The following CA10 variants were observed in gnomAD, a reference collection of about 807,000 sequenced individuals.
The protein encoded by CA10 is carbonic anhydrase 10 (inactive).
In CA10, 14 loss-of-function variants were observed where a neutral mutation model predicts 44.2. The observed-to-expected ratio is 0.32, with a 90% CI of 0.21 to 0.50. CA10 has a LOEUF of 0.50. Among genes scored for constraint, CA10 ranks in the 20% least tolerant of loss-of-function variants. CA10 has a pLI of 0.99. For missense variants in CA10, 350 were observed against 409.7 expected (o/e 0.85, Z 1.26); for synonymous variants, 159 against 141.6 (o/e 1.12, Z -0.87).
chr17:51,959,209 CT>C (rs112948472), intron 2 of CA10, among the ~76,000 whole-genome samples: 11,288 of 122,176 alleles, frequency 0.092, 384 homozygotes, highest in South Asian at 0.17. Flanking sequence ...GGAAGACATT[CT>C]TTTTTTTTTT....
At position 52,043,289 on chromosome 17, in the gene CA10, CTTAG is replaced by C. The variant is rs556884199; in HGVS notation, c.136+29026_136+29029del. ...GTTTGCACTATAGATCTTTTATCTCCTTAGTTAAATTTATTCCTAAGTATTTTAT... is the reference window on the plus strand; with the variant it reads ...GTTTGCACTATAGATCTTTTATCTCCTTAAATTTATTCCTAAGTATTTTAT... On this transcript the variant is annotated intron_variant, in intron 2 of 8. Coordinates refer to ENST00000451037, the MANE Select transcript of CA10 (RefSeq NM_020178.5). Among the ~76,000 whole-genome samples, 40 of 152,116 alleles carry C rather than the reference CTTAG, an allele frequency of 2.6e-4. 1 individual carries two copies. In the South Asian group the frequency reaches 3.7e-3, roughly 14 times the overall value.
In CA10 at chr17:51,631,495, A is replaced by G; in HGVS notation, c.*89T>C. ...TGAATGAGGCTTGGGGGAAAGAAGG[A>G]GAGAGAAGCAAGAAGGGGGACATTC... On this transcript the variant is annotated 3_prime_UTR_variant, in exon 9 of 9. Transcript: ENST00000451037. 5.9e-6 allele frequency: 7 copies of G among 1,189,464 alleles called. 1 individual carries two copies. In the South Asian group the frequency reaches 8.7e-5, roughly 15 times the overall value. The allele number at this position is 1,189,464 out of a possible 1,614,324, so 73.7% of individuals were successfully genotyped here. A position where few individuals can be genotyped will look rare whatever the true frequency, so the allele number is the denominator to read the frequency against.
At chr17:51,833,537 T>A (rs1036825267) in intron 3 of CA10, among the ~76,000 whole-genome samples, 2 of 152,254 alleles carry the variant, frequency 1.3e-5, no homozygotes, top group Non-Finnish European at 2.9e-5. Context: ...GATTAATCTT[T>A]AATTAATACT....
intron 3 of CA10, among the ~76,000 whole-genome samples, chr17:51,925,726 A>G (rs901916643): frequency 4.6e-5 from 7 of 152,316 alleles, no homozygotes; most frequent in Admixed American, 4.6e-4. Context: ...AAAATGTGGT[A>G]TATACATACA....
intron 2 of CA10, among the ~76,000 whole-genome samples, chr17:51,981,425 G>T (rs1186884065): frequency 6.6e-6 from 1 of 151,902 alleles, no homozygotes; most frequent in Admixed American, 6.6e-5. Context: ...AACAGAAAAA[G>T]AATACATATT....
intron 3 of CA10, among the ~76,000 whole-genome samples, chr17:51,839,139 G>C (rs1376715777): frequency 2.0e-5 from 3 of 152,146 alleles, no homozygotes; most frequent in African/African-American, 7.2e-5. Flanking sequence ...AGCAAAAGAA[G>C]CAACAGGCTT....
chr17:51,691,391 C>T (rs1915187160), intron 4 of CA10, among the ~76,000 whole-genome samples: 1 of 152,136 alleles, frequency 6.6e-6, no homozygotes. Flanking sequence ...ACTGTCTGTT[C>T]CAATCCTTTG....
chr17:52,115,565 G>T (rs556031444), intron 1 of CA10, among the ~76,000 whole-genome samples: 1 of 152,180 alleles, frequency 6.6e-6, no homozygotes, highest in African/African-American at 2.4e-5. Context: ...GACTGTAATG[G>T]CAGCTATCTT....
At chr17:51,988,194 C>A (rs563017138) in intron 2 of CA10, among the ~76,000 whole-genome samples, 1 of 151,988 alleles carries the variant, frequency 6.6e-6, no homozygotes, top group Admixed American at 6.6e-5. Context: ...AACCCCAGGG[C>A]AACCACTAAG....
At chr17:51,837,655 C>T (rs2094436962) in intron 3 of CA10, among the ~76,000 whole-genome samples, 1 of 152,084 alleles carries the variant, frequency 6.6e-6, no homozygotes, top group South Asian at 2.1e-4. Flanking sequence ...TCAGAGAGTG[C>T]CTTTTGTTTG....
intron 3 of CA10, among the ~76,000 whole-genome samples, chr17:51,855,471 C>T (rs950625181): frequency 2.3e-4 from 35 of 152,270 alleles, no homozygotes; most frequent in African/African-American, 8.4e-4. Flanking sequence ...ATAGTATAGT[C>T]GACCTAGGTG....
intron 1 of CA10, among the ~76,000 whole-genome samples, chr17:52,083,093 A>G (rs1988025792): frequency 6.6e-6 from 1 of 152,212 alleles, no homozygotes. Flanking sequence ...GAGCATACTA[A>G]TAACTCCATT....
intron 3 of CA10, among the ~76,000 whole-genome samples, chr17:51,832,291 GGAC>G (rs1429075995): frequency 6.6e-6 from 1 of 152,204 alleles, no homozygotes; most frequent in African/African-American, 2.4e-5. Flanking sequence ...AGGAGGAGGA[GGAC>G]TAGTGTGGAG....
chr17:51,743,557 C>G (rs973651517), intron 4 of CA10, among the ~76,000 whole-genome samples: 4 of 152,186 alleles, frequency 2.6e-5, no homozygotes, highest in Non-Finnish European at 5.9e-5. Flanking sequence ...GTCATACATC[C>G]ATGCAGCTTT....
chr17:51,658,222 A>G (rs1013533023), intron 4 of CA10, among the ~76,000 whole-genome samples: 1 of 152,154 alleles, frequency 6.6e-6, no homozygotes, highest in African/African-American at 2.4e-5. Flanking sequence ...CCTCACCTCA[A>G]TCCTTTACAT....
intron 5 of CA10, among the ~76,000 whole-genome samples, chr17:51,649,878 GA>G (rs4058505): frequency 7.9e-4 from 113 of 142,770 alleles, no homozygotes; most frequent in East Asian, 1.9e-3. Flanking sequence ...TAAGGAAATG[GA>G]AAAAAAAAAA....
chr17:52,004,176 T>C (rs534487768), intron 2 of CA10, among the ~76,000 whole-genome samples: 1 of 152,112 alleles, frequency 6.6e-6, no homozygotes, highest in African/African-American at 2.4e-5. Flanking sequence ...CTTCTTCTTA[T>C]ACTATAATTT....
intron 3 of CA10, among the ~76,000 whole-genome samples, chr17:51,759,195 C>T (rs1337340595): frequency 1.3e-5 from 2 of 151,824 alleles, no homozygotes; most frequent in Non-Finnish European, 2.9e-5. Context: ...GAGTCTTATG[C>T]CAACTGGATA....
intron 1 of CA10, among the ~76,000 whole-genome samples, chr17:52,074,371 C>T (rs1439616496): frequency 6.6e-6 from 1 of 152,166 alleles, no homozygotes; most frequent in Non-Finnish European, 1.5e-5. Flanking sequence ...GAACTATAAA[C>T]ATCACCTAAC....
Sources: allele counts gnomAD v4.1 joint callset (sites outside exome capture counted in the v4.1 genomes callset), GRCh38; gene constraint gnomAD v4.1.1; transcripts MANE v1.5; gene names NCBI Gene and HGNC (gene_info 2026-07-23, HGNC 2026-07-21).